KLHL26: variants seen among roughly 807,000 people sequenced by gnomAD.
The protein encoded by KLHL26 is kelch like family member 26.
KLHL26 carries 4 observed loss-of-function variants against 7.1 expected under a neutral mutation model. The ratio of observed to expected loss-of-function variants is 0.56; its 90% CI spans 0.28 to 1.28. The LOEUF (loss-of-function observed/expected upper bound fraction) is 1.28, where lower values mean the gene tolerates loss of function less well. KLHL26 is among the 50% of genes most tolerant of loss of function. The pLI, the probability that KLHL26 is intolerant of heterozygous loss-of-function variation, is 0.11. For synonymous variants in KLHL26, 465 were observed against 414.1 expected, an observed-to-expected ratio of 1.12 and a Z score of -1.49; for missense variants, 896 against 924.6, an observed-to-expected ratio of 0.97 and a Z score of 0.40.
chr19:18,637,729 G>C (rs992863944), intron 1 of KLHL26, among the ~76,000 whole-genome samples: 2 of 151,568 alleles, frequency 1.3e-5, no homozygotes, highest in African/African-American at 4.9e-5. Flanking sequence ...GGGAACCTGA[G>C]GGGGGTGAGA....
At chr19:18,659,667 T>G (rs1322540735) in intron 1 of KLHL26, 1 of 152,208 alleles carries the variant, frequency 6.6e-6, no homozygotes, top group Non-Finnish European at 1.5e-5. Context: ...TTTTTCTTTT[T>G]TGGACATTCC....
At chr19:18,641,926 C>T (rs1976719952) in intron 1 of KLHL26, among the ~76,000 whole-genome samples, 1 of 152,084 alleles carries the variant, frequency 6.6e-6, no homozygotes, top group African/African-American at 2.4e-5. Context: ...ATGCCCGGCC[C>T]TCTTTCTTAA....
chr19:18,657,494 GTGTCTC>G (rs2052346983), intron 1 of KLHL26, among the ~76,000 whole-genome samples: 1 of 151,558 alleles, frequency 6.6e-6, no homozygotes, highest in African/African-American at 2.4e-5. Flanking sequence ...CCCTGTCTCT[GTGTCTC>G]TGTCTCTGGG....
chr19:18,642,338 AGTGTGTGTGTGTGTGT>A (rs1204260630), intron 1 of KLHL26, among the ~76,000 whole-genome samples: 5 of 123,886 alleles, frequency 4.0e-5, no homozygotes, highest in Middle Eastern at 4.0e-3. Flanking sequence ...CTAGTCACCT[AGTGTGTGTGTGTGTGT>A]GTGTGTGTGT....
chr19:18,664,318 C>T lies in KLHL26; in HGVS notation c.141C>T (p.Thr47=), dbSNP rs780036023. ...KCTFSAPSHS[T]SLLQGLATLR... is the part of the protein sequence containing the mutation. ...CCTTCTCGGCACCCAGCCACAGCAC[C>T]AGCCTCCTGCAGGGCCTGGCCACCC... The change falls in exon 2 of 3, where the codon ACC becomes ACT. Residue 47 remains threonine (T), a synonymous_variant. Coordinates refer to ENST00000300976, the MANE Select transcript of KLHL26 (RefSeq NM_018316.3). The T allele has an allele frequency of 1.2e-6, 2 of 1,609,442 alleles. No individual in the cohort carries two copies. The highest frequency in any genetic ancestry group is 2.2e-5 in the South Asian group (2 of 91,028).
At chr19:18,667,353 T>G in intron 2 of KLHL26, 3 of 420,342 alleles carry the variant, frequency 7.1e-6, no homozygotes, top group East Asian at 5.2e-5. Context: ...TTTTTGTTTG[T>G]TTGTTTGTTT....
At chr19:18,652,572 A>G (rs1385151489) in intron 1 of KLHL26, among the ~76,000 whole-genome samples, 4 of 138,720 alleles carry the variant, frequency 2.9e-5, no homozygotes, top group African/African-American at 8.3e-5. Context: ...CCTGAGTGAC[A>G]GAGCCAGACT....
At chr19:18,643,588 C>A (rs1976752485) in intron 1 of KLHL26, among the ~76,000 whole-genome samples, 1 of 151,786 alleles carries the variant, frequency 6.6e-6, no homozygotes, top group Non-Finnish European at 1.5e-5. Flanking sequence ...AAGCGATTCT[C>A]CTGCCTCAGC....
intron 1 of KLHL26, among the ~76,000 whole-genome samples, chr19:18,645,048 A>C (rs1349595846): frequency 6.6e-6 from 1 of 152,184 alleles, no homozygotes; most frequent in Non-Finnish European, 1.5e-5. Flanking sequence ...ATCAACAAAA[A>C]ACCCGTTGCC....
intron 1 of KLHL26, among the ~76,000 whole-genome samples, chr19:18,654,503 A>C (rs1265728063): frequency 6.7e-6 from 1 of 149,286 alleles, no homozygotes; most frequent in Non-Finnish European, 1.5e-5. Context: ...CCATCCACCA[A>C]CCTACACACC....
intron 2 of KLHL26, among the ~76,000 whole-genome samples, chr19:18,666,444 C>T (rs980685780): frequency 6.6e-6 from 1 of 152,190 alleles, no homozygotes; most frequent in Non-Finnish European, 1.5e-5. Context: ...TGGAAGGAAC[C>T]GCCCATTCCC....
At position 18,667,182 on chromosome 19, in the gene KLHL26, CAG is replaced by C. The variant is rs1437155506; in HGVS notation, c.267-479_267-478del. On this transcript the variant is annotated intron_variant, in intron 2 of 2. Coordinates refer to ENST00000300976, the MANE Select transcript of KLHL26 (RefSeq NM_018316.3). The stretch of plus-strand genomic sequence containing the variant: ...GCATGTTTTTTTTGTTTGTTTGAGA[CAG>C]AGTCTCACTCTTATTGTCCAGGCTG... Among the ~76,000 whole-genome samples, 26 of 151,342 alleles carry C rather than the reference CAG, an allele frequency of 1.7e-4. No homozygotes were observed. In the East Asian group the frequency reaches 3.5e-3, roughly 20 times the overall value.
intron 1 of KLHL26, among the ~76,000 whole-genome samples, 166 bp downstream of exon 1, chr19:18,637,303 G>A (rs1450052552): frequency 1.3e-5 from 2 of 152,152 alleles, no homozygotes; most frequent in Non-Finnish European, 2.9e-5. Context: ...GGAGCCGAGG[G>A]CTACTGAGGG....
At chr19:18,639,063 C>T (rs1218805802) in intron 1 of KLHL26, among the ~76,000 whole-genome samples, 1 of 151,832 alleles carries the variant, frequency 6.6e-6, no homozygotes, top group Non-Finnish European at 1.5e-5. Flanking sequence ...ACAATTCACT[C>T]ATTTTGTTTT....
intron 2 of KLHL26, among the ~76,000 whole-genome samples, chr19:18,665,409 G>C (rs1325025231): frequency 2.6e-5 from 4 of 152,226 alleles, no homozygotes; most frequent in African/African-American, 4.8e-5. Context: ...CTAGTCCTTG[G>C]GATGCAGCAG....
chr19:18,668,227 G>T lies in KLHL26; in HGVS notation c.830G>T (p.Cys277Phe). Residue 277 changes from cysteine (C) to phenylalanine (F), a missense_variant, in exon 3 of 3, where the codon TGC becomes TTC. Physicochemically the swap from Cys to Phe is radical, Grantham distance 205 (BLOSUM62 -2). Transcript: ENST00000300976. Reference sequence around the variant, plus strand: ...GACATCATGGTGGAGGACGTGCTGTGCCGCCAGTATCTGCTGGAGGCCTTC... The same window carrying T: ...GACATCATGGTGGAGGACGTGCTGTTCCGCCAGTATCTGCTGGAGGCCTTC... ...TLDIMVEDVL[C>F]RQYLLEAFNY... The T allele has an allele frequency of 6.2e-7, 1 of 1,611,940 alleles. No individual in the cohort carries two copies.
At position 18,668,902 on chromosome 19, in the gene KLHL26, C is replaced by G; in HGVS notation, c.1505C>G (p.Ala502Gly). 24 of 1,603,742 alleles carry G rather than the reference C, an allele frequency of 1.5e-5. No homozygotes were observed. Among genetic ancestry groups the G allele is most frequent in the Non-Finnish European group, 2.0e-5 (24 of 1,179,350 alleles). The change falls in exon 3 of 3, where the codon GCC becomes GGC. Residue 502 changes from alanine to glycine, a missense_variant. By Grantham distance (60) the Ala-to-Gly change is moderately conservative (BLOSUM62 0). Transcript: ENST00000300976. The stretch of plus-strand genomic sequence containing the variant: ...ATGAGCGAACCCCGCGTGCTACACG[C>G]CATGGTGGGTGCCGGCGGCCGCATC... ...APMSEPRVLH[A>G]MVGAGGRIYA...
rs1213979641 is a variant in KLHL26, at chr19:18,646,817, A to T, written c.83+9680A>T. Among the ~76,000 whole-genome samples, 1 of 152,234 alleles carries T rather than the reference A, an allele frequency of 6.6e-6. No individual in the cohort carries two copies. The highest frequency in any genetic ancestry group is 2.4e-5 in the African/African-American group (1 of 41,460). On this transcript the variant is annotated intron_variant, in intron 1 of 2. Coordinates refer to ENST00000300976, the MANE Select transcript of KLHL26 (RefSeq NM_018316.3). This position sits in a 1 kb window ranked among gnomAD's most constrained non-coding sequence, Gnocchi z 5.0. ...GGAAAGGAGAGGGTGAACTTGAGCC[A>T]TTGGGAAGACAGTAGTGCCATGACT...
chr19:18,668,299 G>T lies in KLHL26; in HGVS notation c.902G>T (p.Arg301Leu). 6.2e-7 allele frequency: 1 copy of T among 1,611,522 alleles called. No individual in the cohort carries two copies. Among genetic ancestry groups the T allele is most frequent in the Non-Finnish European group, 8.5e-7 (1 of 1,179,834 alleles). The change falls in exon 3 of 3, where the codon CGC becomes CTC. Residue 301 changes from arginine (R) to leucine (L), a missense_variant. Arg to Leu is a moderately radical substitution (Grantham distance 102, BLOSUM62 -2). Coordinates refer to ENST00000300976, the MANE Select transcript of KLHL26 (RefSeq NM_018316.3). The part of the protein sequence containing the change: ...PFRQHEMQSP[R>L]TAVRSDVPSL... Reference sequence around the variant, plus strand: ...CGGCAGCACGAGATGCAGTCTCCGCGCACCGCCGTGCGCTCGGATGTGCCC... The same window carrying T: ...CGGCAGCACGAGATGCAGTCTCCGCTCACCGCCGTGCGCTCGGATGTGCCC...
Sources: gnomAD v4.1 joint callset for allele counts (sites outside exome capture counted in the v4.1 genomes callset) on GRCh38, gnomAD v4.1.1 for gene constraint, Gnocchi (gnomAD v3.1) non-coding constraint, MANE v1.5 for transcripts, NCBI Gene and HGNC (gene_info 2026-07-23, HGNC 2026-07-21) for gene names.